EPG5: variants seen among roughly 807,000 people sequenced by gnomAD.
EPG5 encodes the protein ectopic P granules protein 5 homolog.
In EPG5, 159 loss-of-function variants were observed where a neutral mutation model predicts 302.7. The observed-to-expected ratio is 0.53, with a 90% CI of 0.46 to 0.60. The LOEUF (loss-of-function observed/expected upper bound fraction) is 0.60. Among genes scored for constraint, EPG5 ranks in the 20% least tolerant of loss-of-function variants. EPG5 has a pLI of 0.00. For missense variants in EPG5, 2,896 were observed against 3,092.4 expected (o/e 0.94, Z 1.51); for synonymous variants, 1,158 against 1,136.8 (o/e 1.02, Z -0.37).
the EPG5 span, among the ~76,000 whole-genome samples, chr18:45,820,942 G>T: frequency 6.6e-6 from 1 of 152,164 alleles, no homozygotes; most frequent in Admixed American, 6.5e-5. Flanking sequence ...ACGTACATGA[G>T]GTATATGAGA....
chr18:45,885,359 T>C (rs9951978), intron 29 of EPG5, among the ~76,000 whole-genome samples: 5,683 of 151,894 alleles, frequency 0.037, 312 homozygotes, highest in African/African-American at 0.12. Flanking sequence ...AAAAAAATGA[T>C]AAGTTAACTA....
At chr18:45,926,041 G>A in intron 13 of EPG5, 139 bp from the exon 14 acceptor site, 1 of 482,522 alleles carries the variant, frequency 2.1e-6, no homozygotes, top group Non-Finnish European at 3.4e-6. Flanking sequence ...TTAGACAAGT[G>A]AAATGGAAAT....
At position 45,916,064 on chromosome 18, in the gene EPG5, G is replaced by C; in HGVS notation, c.3527C>G (p.Ala1176Gly). Residue 1176 changes from alanine to glycine, a missense_variant, in exon 19 of 44, where the codon GCT (alanine) becomes GGT (glycine). Ala to Gly is a moderately conservative substitution (Grantham distance 60, BLOSUM62 0). This residue lies in a region of EPG5 where 1,390 missense variants were observed against 1,430.0 expected (regional missense o/e 0.97). Transcript: ENST00000282041. ...GCAGTCTTCCTGCATCAGCTGAAAA[G>C]CTGCTTTACACAAGTGGTCCATGAG... ...LFLMDHLCKAAFQLMQEDCIQ... is the reference protein window; with the variant it reads ...LFLMDHLCKAGFQLMQEDCIQ... 2.5e-6 allele frequency: 4 copies of C among 1,613,968 alleles called. No individual in the cohort carries two copies. Among genetic ancestry groups the C allele is most frequent in the Non-Finnish European group, 3.4e-6 (4 of 1,180,004 alleles).
intron 7 of EPG5, 82 bp from the exon 8 acceptor site, chr18:45,944,201 CA>C (rs1267953921): frequency 1.2e-6 from 1 of 848,912 alleles, no homozygotes; most frequent in African/African-American, 1.7e-5. Flanking sequence ...TAAATTATCA[CA>C]GGTCTCAATG....
intron 27 of EPG5, 131 bp downstream of exon 27, chr18:45,899,273 C>A: frequency 9.7e-7 from 1 of 1,034,962 alleles, no homozygotes; most frequent in South Asian, 1.6e-5. Context: ...TGTTTTCATG[C>A]CCTGCAAAAC....
At chr18:45,839,045 CGCT>C in the EPG5 span, 2 of 1,542,684 alleles carry the variant, frequency 1.3e-6, no homozygotes, top group Non-Finnish European at 1.7e-6. Context: ...GGCTTCAAGG[CGCT>C]GCTGCTGCTC....
At chr18:45,818,732 C>T in the EPG5 span, among the ~76,000 whole-genome samples, 14 of 111,390 alleles carry the variant, frequency 1.3e-4, no homozygotes, top group East Asian at 5.4e-4. Flanking sequence ...TTTTGCATAA[C>T]TTTTTTTTTT....
At chr18:45,862,663 C>T (rs1404505559) in intron 39 of EPG5, among the ~76,000 whole-genome samples, 4 of 152,224 alleles carry the variant, frequency 2.6e-5, no homozygotes, top group Non-Finnish European at 5.9e-5. Context: ...GTTACTCTCA[C>T]TCTGCGTTCT....
chr18:45,823,119 A>T, the EPG5 span, among the ~76,000 whole-genome samples: 5 of 152,164 alleles, frequency 3.3e-5, no homozygotes, highest in Non-Finnish European at 7.4e-5. Flanking sequence ...AGAGGTGACC[A>T]TGGGAATGAG....
intron 27 of EPG5, among the ~76,000 whole-genome samples, chr18:45,895,105 G>A (rs961440352): frequency 1.3e-5 from 2 of 152,200 alleles, no homozygotes; most frequent in African/African-American, 4.8e-5. Context: ...TTCAGAGGCA[G>A]AACCAATATG....
At position 45,851,322 on chromosome 18, in the gene EPG5, C is replaced by G. The variant is rs936335406; in HGVS notation, c.*1145G>C. 1 of 152,072 alleles carries G rather than the reference C, an allele frequency of 6.6e-6. No homozygotes were observed. Among genetic ancestry groups the G allele is most frequent in the African/African-American group, 2.4e-5 (1 of 41,404 alleles). 9.4% of individuals were successfully genotyped at this position (152,072 alleles called of 1,614,324 possible). A position where few individuals can be genotyped will look rare whatever the true frequency, so the allele number is the denominator to read the frequency against. On this transcript the variant is annotated 3_prime_UTR_variant, in exon 44 of 44. Transcript: ENST00000282041. Reference sequence around the variant, plus strand: ...GAACAGAAGTCAAACTGCTCATTCCCAGGAGAAATAACATGAGCAAGAAGA... The same window carrying G: ...GAACAGAAGTCAAACTGCTCATTCCGAGGAGAAATAACATGAGCAAGAAGA...
the EPG5 span, among the ~76,000 whole-genome samples, chr18:45,804,552 A>T: frequency 6.6e-6 from 1 of 152,226 alleles, no homozygotes; most frequent in South Asian, 2.1e-4. Context: ...GAGAATAATG[A>T]GTCAAATGAC....
At chr18:45,872,704 CA>C (rs1165754872) in intron 35 of EPG5, among the ~76,000 whole-genome samples, 1 of 149,814 alleles carries the variant, frequency 6.7e-6, no homozygotes, top group Admixed American at 6.6e-5. Flanking sequence ...ACTCCTTGTC[CA>C]AAAAAAAAGC....
At chr18:45,853,775 G>C (rs2048461507) in intron 43 of EPG5, among the ~76,000 whole-genome samples, 1 of 152,204 alleles carries the variant, frequency 6.6e-6, no homozygotes, top group African/African-American at 2.4e-5. Context: ...CAAATTAAGA[G>C]CTATGTAAAC....
intron 10 of EPG5, 24 bp downstream of exon 10, chr18:45,939,576 A>C (rs1439922772): frequency 6.2e-7 from 1 of 1,611,022 alleles, no homozygotes; most frequent in South Asian, 1.1e-5. Flanking sequence ...CTTCTCACTA[A>C]ATATCATCAT....
the EPG5 span, among the ~76,000 whole-genome samples, chr18:45,819,908 C>G: frequency 6.6e-6 from 1 of 152,184 alleles, no homozygotes; most frequent in Non-Finnish European, 1.5e-5. Flanking sequence ...CTAGGCATCA[C>G]CCCTTTTTAT....
intron 1 of EPG5, among the ~76,000 whole-genome samples, chr18:45,962,219 C>T (rs1483176599): frequency 1.1e-4 from 16 of 152,132 alleles, no homozygotes; most frequent in Admixed American, 1.0e-3. Context: ...AACCAATAAC[C>T]ACTCCTGATA....
chr18:45,871,435 T>C (rs1305470289), intron 35 of EPG5, among the ~76,000 whole-genome samples: 4 of 152,154 alleles, frequency 2.6e-5, no homozygotes, highest in South Asian at 2.1e-4. Flanking sequence ...TGGGTATATA[T>C]CCAAAAGAAA....
chr18:45,865,852 C>T, intron 38 of EPG5, 93 bp from the exon 39 acceptor site: 1 of 1,377,342 alleles, frequency 7.3e-7, no homozygotes. Flanking sequence ...GCAATGAATG[C>T]TTGGGTAGGG....
Sources: allele counts gnomAD v4.1 joint callset (sites outside exome capture counted in the v4.1 genomes callset), GRCh38; gene constraint gnomAD v4.1.1; regional missense constraint gnomAD v4.1.1; transcripts MANE v1.5; gene names NCBI Gene and HGNC (gene_info 2026-07-23, HGNC 2026-07-21).